Variants in JADE3 observed in about 807,000 individuals in gnomAD.
The protein encoded by JADE3 is protein Jade-3.
JADE3 carries 2 observed loss-of-function variants against 50.1 expected under a neutral mutation model. That is an observed-to-expected ratio of 0.04 (90% CI 0.02 to 0.13). The LOEUF is 0.13. JADE3 is among the 10% of genes least tolerant of loss of function. JADE3 has a pLI of 1.00. For missense variants in JADE3, 475 were observed against 634.4 expected (o/e 0.75, Z 2.70); for synonymous variants, 218 against 232.9 (o/e 0.94, Z 0.58).
intron 8 of JADE3, among the ~76,000 whole-genome samples, chrX:47,050,550 A>G (rs1436085988): frequency 8.9e-6 from 1 of 112,324 alleles, no homozygotes; most frequent in Non-Finnish European, 1.9e-5. Flanking sequence ...ATCTCCAGCT[A>G]TAAATACCAC....
At position 47,059,951 on chromosome X, in the gene JADE3, G is replaced by A. The variant is rs1556374762; in HGVS notation, c.*874G>A. ...TTTGGCTGACAGTTTTTGTATACCT[G>A]CTTTAATGTTTATAAAATTTTTATT... On this transcript the variant is annotated 3_prime_UTR_variant, in exon 11 of 11. Transcript: ENST00000614628. 8.9e-6 allele frequency: 1 copy of A among 112,094 alleles called. No homozygotes were observed. Among genetic ancestry groups the A allele is most frequent in the Non-Finnish European group, 1.9e-5 (1 of 53,177 alleles). 9.2% of individuals were successfully genotyped at this position (112,094 alleles called of 1,213,427 possible).
At chrX:47,041,996 C>CT (rs1248210041) in intron 8 of JADE3, among the ~76,000 whole-genome samples, 58 of 104,032 alleles carry the variant, frequency 5.6e-4, no homozygotes, top group Non-Finnish European at 8.9e-4. Context: ...TTCTTTTTTT[C>CT]TTTTTTTTTT....
At chrX:46,950,514 C>T (rs1273500581) in intron 1 of JADE3, among the ~76,000 whole-genome samples, 1 of 111,618 alleles carries the variant, frequency 9.0e-6, no homozygotes, top group African/African-American at 3.3e-5. Flanking sequence ...GTGGATGTAC[C>T]ACATCGTGGT....
chrX:46,975,742 CAG>C (rs1268364340), intron 1 of JADE3, among the ~76,000 whole-genome samples: 2 of 52,637 alleles, frequency 3.8e-5, no homozygotes, highest in African/African-American at 1.7e-4. Context: ...TTTTTTGGGA[CAG>C]AGTCTCGCTC....
intron 4 of JADE3, among the ~76,000 whole-genome samples, chrX:47,020,897 T>G (rs1322990075): frequency 9.0e-6 from 1 of 110,698 alleles, no homozygotes; most frequent in Non-Finnish European, 1.9e-5. Flanking sequence ...GGAGTATCAC[T>G]TGAGCCCAGG....
chrX:46,914,597 C>A (rs890824943), intron 1 of JADE3, among the ~76,000 whole-genome samples: 3 of 112,087 alleles, frequency 2.7e-5, no homozygotes, highest in African/African-American at 9.7e-5. Flanking sequence ...CGATGTTAGC[C>A]ACCATCTTTG....
At chrX:47,003,798 AT>A (rs1928346718) in intron 4 of JADE3, among the ~76,000 whole-genome samples, 1 of 100,799 alleles carries the variant, frequency 9.9e-6, no homozygotes, top group East Asian at 2.9e-4. Context: ...TTTATATATA[AT>A]TTTGGTGACA....
intron 6 of JADE3, among the ~76,000 whole-genome samples, chrX:47,029,815 G>C (rs1401563627): frequency 9.0e-6 from 1 of 111,543 alleles, no homozygotes; most frequent in Non-Finnish European, 1.9e-5. Flanking sequence ...ATGAACTTAA[G>C]TATTATATCT....
At chrX:47,046,862 C>T (rs1264910741) in intron 8 of JADE3, among the ~76,000 whole-genome samples, 1 of 112,164 alleles carries the variant, frequency 8.9e-6, no homozygotes, top group East Asian at 2.8e-4. Context: ...CCCACTTGGT[C>T]ATGATGAATG....
rs782555482 is a variant in JADE3 at position 46,923,393 on chromosome X, C to CTTT, written c.-12+10700_-12+10702dup. 6.7e-3 allele frequency among the ~76,000 whole-genome samples: 77 copies of CTTT among 11,519 alleles called. 7 individuals are homozygous for CTTT. The highest frequency in any genetic ancestry group is 0.014 in the African/African-American group (73 of 5,051). 10.0% of individuals were successfully genotyped at this position (11,519 alleles called of 115,157 possible). On this transcript the variant is annotated intron_variant, in intron 1 of 10. Coordinates refer to ENST00000614628, the MANE Select transcript of JADE3 (RefSeq NM_014735.5). Reference sequence around the variant, plus strand: ...ATTTCTTTTCTCTCTCTCTCTCTCTCTTTTTTTTTTTTTTTTTTTTTTTTT... The same window carrying CTTT: ...ATTTCTTTTCTCTCTCTCTCTCTCTCTTTTTTTTTTTTTTTTTTTTTTTTTTTT...
intron 4 of JADE3, among the ~76,000 whole-genome samples, chrX:47,023,575 T>C (rs1556364922): frequency 8.9e-6 from 1 of 112,336 alleles, no homozygotes; most frequent in Non-Finnish European, 1.9e-5. Context: ...TATTTAATGA[T>C]TGTTATCCTT....
chrX:47,045,349 A>C (rs1929348632), intron 8 of JADE3, among the ~76,000 whole-genome samples: 1 of 112,741 alleles, frequency 8.9e-6, no homozygotes, highest in Non-Finnish European at 1.9e-5. Context: ...GTTCAGCAAG[A>C]AGATAGAACA....
chrX:46,956,660 G>A (rs1927124342), intron 1 of JADE3, among the ~76,000 whole-genome samples: 1 of 110,022 alleles, frequency 9.1e-6, no homozygotes, highest in Non-Finnish European at 1.9e-5. Flanking sequence ...CCAAGTAGCT[G>A]GTACTGCAGG....
At chrX:46,951,712 T>C (rs1340014103) in intron 1 of JADE3, among the ~76,000 whole-genome samples, 2 of 111,204 alleles carry the variant, frequency 1.8e-5, no homozygotes, top group African/African-American at 3.3e-5. Flanking sequence ...ATTTTTTTTT[T>C]CCAATCTTTT....
At position 47,060,686 on chromosome X, in the gene JADE3, G is replaced by C; in HGVS notation, c.*1609G>C. Reference sequence around the variant, plus strand: ...TGTGTAAACATGCCATAGCATGTGTGGTAGGTGTCCTGTATTTTGTTTGGG... The same window carrying C: ...TGTGTAAACATGCCATAGCATGTGTCGTAGGTGTCCTGTATTTTGTTTGGG... On this transcript the variant is annotated 3_prime_UTR_variant, in exon 11 of 11. Transcript: ENST00000614628. 8.9e-6 allele frequency: 1 copy of C among 112,210 alleles called. No individual in the cohort carries two copies. The highest frequency in any genetic ancestry group is 1.9e-5 in the Non-Finnish European group (1 of 53,256). The allele number at this position is 112,210 out of a possible 1,213,427, so 9.2% of individuals were successfully genotyped here. A position where few individuals can be genotyped will look rare whatever the true frequency, so the allele number is the denominator to read the frequency against.
chrX:47,039,635 G>A (rs1043039139), intron 8 of JADE3, among the ~76,000 whole-genome samples: 1 of 111,072 alleles, frequency 9.0e-6, no homozygotes, highest in Non-Finnish European at 1.9e-5. Flanking sequence ...TTTAGCTCCC[G>A]TTTGTAAGTG....
chrX:47,005,443 G>A (rs1928392733), intron 4 of JADE3, among the ~76,000 whole-genome samples: 2 of 111,206 alleles, frequency 1.8e-5, no homozygotes, highest in Admixed American at 9.6e-5. Context: ...GTTTCACCAC[G>A]TTGGCCGGGC....
At chrX:47,006,551 C>G (rs1336333099) in intron 4 of JADE3, among the ~76,000 whole-genome samples, 1 of 106,685 alleles carries the variant, frequency 9.4e-6, no homozygotes, top group Admixed American at 1.0e-4. Context: ...CCGACCACCT[C>G]GGCCTCCCAA....
At chrX:46,983,499 A>T (rs1413725802) in intron 1 of JADE3, among the ~76,000 whole-genome samples, 1 of 111,109 alleles carries the variant, frequency 9.0e-6, no homozygotes, top group South Asian at 3.9e-4. Context: ...CCTCTCAGCC[A>T]CATTCTCCTG....
Sources: gnomAD v4.1 joint callset for allele counts (sites outside exome capture counted in the v4.1 genomes callset) on GRCh38, gnomAD v4.1.1 for gene constraint, MANE v1.5 for transcripts, NCBI Gene and HGNC (gene_info 2026-07-23, HGNC 2026-07-21) for gene names.